BCAS3: variants seen among roughly 807,000 people sequenced by gnomAD.
The protein encoded by BCAS3 is BCAS4/BCAS3 fusion.
In BCAS3, 53 loss-of-function variants were observed where a neutral mutation model predicts 116.1. The observed-to-expected ratio is 0.46, with a 90% CI of 0.37 to 0.57. The LOEUF is 0.57. Ranked by LOEUF, BCAS3 falls within the 20% of genes least tolerant of loss-of-function variation. The probability of loss-of-function intolerance (pLI) is 0.00; values close to 1 mark genes in which losing one functional copy is unlikely to be tolerated. For synonymous variants in BCAS3, 391 were observed against 408.2 expected (o/e 0.96, Z 0.51); for missense variants, 917 against 1,165.4 (o/e 0.79, Z 3.10).
chr17:60,937,040 G>A (rs982815687), intron 13 of BCAS3, among the ~76,000 whole-genome samples: 1 of 152,038 alleles, frequency 6.6e-6, no homozygotes, highest in Admixed American at 6.6e-5. Context: ...TTTTGTATAA[G>A]GTGTAAGGAA....
intron 10 of BCAS3, among the ~76,000 whole-genome samples, chr17:60,894,780 T>C (rs575081248): frequency 6.6e-6 from 1 of 152,338 alleles, no homozygotes; most frequent in Middle Eastern, 3.4e-3. Flanking sequence ...CATGAAGGGA[T>C]GTTGAATTTT....
intron 22 of BCAS3, among the ~76,000 whole-genome samples, chr17:61,266,787 A>G (rs1159820871): frequency 6.6e-6 from 1 of 152,070 alleles, no homozygotes; most frequent in African/African-American, 2.4e-5. Context: ...TATTTAGTCT[A>G]TTTTCTCCCA....
rs1345882681 is a variant in BCAS3, at chr17:61,199,001, T to C, written c.2425+114437T>C. Reference sequence around the variant, plus strand: ...ACTTTTAATATATCTTACCATACTCTGATTACTAGAAATATATAAATGAAA... The same window carrying C: ...ACTTTTAATATATCTTACCATACTCCGATTACTAGAAATATATAAATGAAA... On this transcript the variant is annotated intron_variant, in intron 22 of 23. Coordinates refer to ENST00000407086, the MANE Select transcript of BCAS3 (RefSeq NM_017679.5). This position sits in a 1 kb window ranked among gnomAD's most constrained non-coding sequence, Gnocchi z 4.6. Among the ~76,000 whole-genome samples, 1 of 152,360 alleles carries C rather than the reference T, an allele frequency of 6.6e-6. No individual in the cohort carries two copies. Among genetic ancestry groups the C allele is most frequent in the East Asian group, 1.9e-4 (1 of 5,188 alleles).
intron 20 of BCAS3, among the ~76,000 whole-genome samples, chr17:61,076,755 G>T (rs771295227): frequency 6.6e-6 from 1 of 152,178 alleles, no homozygotes; most frequent in Admixed American, 6.5e-5. Context: ...TGATGGTTTT[G>T]AGCTTAAAGT....
At position 61,229,168 on chromosome 17, in the gene BCAS3, C is replaced by T. The variant is rs1436327997; in HGVS notation, c.2426-139159C>T. Reference sequence around the variant, plus strand: ...TGCTGGGATTACTGATGTGAGCCACCGCACCTGGCCACCACCACATTCCTT... The same window carrying T: ...TGCTGGGATTACTGATGTGAGCCACTGCACCTGGCCACCACCACATTCCTT... On this transcript the variant is annotated intron_variant, in intron 22 of 23. Transcript: ENST00000407086. This position sits in a 1 kb window ranked among gnomAD's most constrained non-coding sequence, Gnocchi z 4.4. 6.6e-6 allele frequency among the ~76,000 whole-genome samples: 1 copy of T among 152,164 alleles called. No homozygotes were observed. The highest frequency in any genetic ancestry group is 1.5e-5 in the Non-Finnish European group (1 of 68,032).
intron 7 of BCAS3, among the ~76,000 whole-genome samples, chr17:60,840,881 C>T (rs946099560): frequency 1.3e-5 from 2 of 152,088 alleles, no homozygotes; most frequent in African/African-American, 4.8e-5. Flanking sequence ...ATTAAAATTG[C>T]TTAATGCTTT....
chr17:61,183,566 T>A (rs1435423375), intron 22 of BCAS3, among the ~76,000 whole-genome samples: 1 of 152,210 alleles, frequency 6.6e-6, no homozygotes, highest in Non-Finnish European at 1.5e-5. Flanking sequence ...GGTGCTAAAG[T>A]GCTATGTATC....
chr17:61,178,922 T>G (rs930886654), intron 22 of BCAS3, among the ~76,000 whole-genome samples: 3 of 152,168 alleles, frequency 2.0e-5, no homozygotes, highest in African/African-American at 7.2e-5. Flanking sequence ...TTACAGAAGT[T>G]CTGTAATTAA....
In BCAS3 at chr17:60,962,115, T is replaced by C. The variant is rs902303350; in HGVS notation, c.1221+14763T>C. ...GAACTCTTAGAGTGATTCCATATTT[T>C]GGCTATTGTGAACAGTGCTGCAATA... is the stretch of plus-strand genomic sequence containing the variant. On this transcript the variant is annotated intron_variant, in intron 14 of 23. Transcript: ENST00000407086. This position sits in a 1 kb window ranked among gnomAD's most constrained non-coding sequence, Gnocchi z 4.4. Among the ~76,000 whole-genome samples, 2 of 152,360 alleles carry C rather than the reference T, an allele frequency of 1.3e-5. No individual in the cohort carries two copies. The highest frequency in any genetic ancestry group is 4.8e-5 in the African/African-American group (2 of 41,592).
chr17:61,277,574 G>T (rs1001702724), intron 22 of BCAS3, among the ~76,000 whole-genome samples: 1 of 152,128 alleles, frequency 6.6e-6, no homozygotes, highest in Admixed American at 6.5e-5. Context: ...CAAAATGGGA[G>T]AAAATTTTTG....
intron 5 of BCAS3, among the ~76,000 whole-genome samples, chr17:60,732,009 A>T (rs2040507257): frequency 6.6e-6 from 1 of 152,096 alleles, no homozygotes; most frequent in Non-Finnish European, 1.5e-5. Context: ...TCTTAACCTC[A>T]GGTGATCCGC....
Position 60,993,829 on chromosome 17 carries a change from T to G in BCAS3, c.1486+3594T>G, listed in dbSNP as rs374336297. ...CAGTTGATATAGGGGTATTTCCTTT[T>G]TACTCTTTGGACCCAATCCAGTTTA... On this transcript the variant is annotated intron_variant, in intron 15 of 23. Coordinates refer to ENST00000407086, the MANE Select transcript of BCAS3 (RefSeq NM_017679.5). This position sits in a 1 kb window ranked among gnomAD's most constrained non-coding sequence, Gnocchi z 4.2. Among the ~76,000 whole-genome samples, 178 of 152,344 alleles carry G rather than the reference T, an allele frequency of 1.2e-3. 1 individual carries two copies. The highest frequency in any genetic ancestry group is 3.6e-3 in the African/African-American group (149 of 41,600).
At chr17:61,064,346 T>A (rs1333987354) in intron 19 of BCAS3, among the ~76,000 whole-genome samples, 1 of 152,166 alleles carries the variant, frequency 6.6e-6, no homozygotes, top group African/African-American at 2.4e-5. Context: ...TGTTTGAAAT[T>A]TTTCCTTAGT....
chr17:60,788,858 A>G (rs1373671231), intron 6 of BCAS3, among the ~76,000 whole-genome samples: 1 of 152,190 alleles, frequency 6.6e-6, no homozygotes, highest in Non-Finnish European at 1.5e-5. Context: ...ACAGAATCTA[A>G]AAATTTACAT....
At chr17:60,824,688 AATTTTGAAT>A (rs1482297480) in intron 7 of BCAS3, among the ~76,000 whole-genome samples, 6 of 152,164 alleles carry the variant, frequency 3.9e-5, no homozygotes, top group Non-Finnish European at 5.9e-5. Context: ...CATCTTGGCC[AATTTTGAAT>A]ATTTATAATC....
At chr17:60,842,618 A>G (rs2052055078) in intron 7 of BCAS3, among the ~76,000 whole-genome samples, 1 of 152,036 alleles carries the variant, frequency 6.6e-6, no homozygotes, top group Non-Finnish European at 1.5e-5. Flanking sequence ...ATTGTGGGTT[A>G]TAGTTCCTTT....
At chr17:60,746,903 G>T (rs1392415615) in intron 5 of BCAS3, among the ~76,000 whole-genome samples, 6 of 152,152 alleles carry the variant, frequency 3.9e-5, no homozygotes, top group Non-Finnish European at 7.4e-5. Context: ...AGGCAGTTGT[G>T]CAGGAACTGT....
chr17:60,729,886 C>G (rs2040286434), intron 5 of BCAS3, among the ~76,000 whole-genome samples: 2 of 152,222 alleles, frequency 1.3e-5, no homozygotes, highest in South Asian at 4.1e-4. Flanking sequence ...TAGGCCGACA[C>G]TCTCTATAAT....
intron 4 of BCAS3, among the ~76,000 whole-genome samples, chr17:60,706,850 C>T (rs2037216871): frequency 6.7e-6 from 1 of 149,074 alleles, no homozygotes; most frequent in Non-Finnish European, 1.5e-5. Flanking sequence ...CACTCTGTCA[C>T]CCAGGCTGGA....
Sources: gnomAD v4.1 joint callset for allele counts (sites outside exome capture counted in the v4.1 genomes callset) on GRCh38, gnomAD v4.1.1 for gene constraint, Gnocchi (gnomAD v3.1) non-coding constraint, MANE v1.5 for transcripts, NCBI Gene and HGNC (gene_info 2026-07-23, HGNC 2026-07-21) for gene names.